Variants in RGL1 observed in about 807,000 individuals in gnomAD.
RGL1 encodes the protein ral guanine nucleotide dissociation stimulator-like 1.
In RGL1, 24 loss-of-function variants were observed where a neutral mutation model predicts 95.2. That is an observed-to-expected ratio of 0.25 (90% confidence interval 0.18 to 0.35). The LOEUF is 0.35. Among genes scored for constraint, RGL1 ranks in the 10% least tolerant of loss-of-function variants. The probability of loss-of-function intolerance (pLI) is 1.00; values close to 1 mark genes in which losing one functional copy is unlikely to be tolerated. For missense variants in RGL1, 715 were observed against 936.3 expected, an observed-to-expected ratio of 0.76 and a Z score of 3.08; for synonymous variants, 329 against 344.9, an observed-to-expected ratio of 0.95 and a Z score of 0.51.
intron 2 of RGL1, among the ~76,000 whole-genome samples, chr1:183,829,158 G>T (rs1357519779): frequency 6.6e-6 from 1 of 152,060 alleles, no homozygotes; most frequent in Non-Finnish European, 1.5e-5. Context: ...TCTGATGAAG[G>T]TGGATCAGCC....
At chr1:183,910,173 T>A (rs1668562820) in intron 14 of RGL1, among the ~76,000 whole-genome samples, 1 of 152,188 alleles carries the variant, frequency 6.6e-6, no homozygotes, top group Non-Finnish European at 1.5e-5. Flanking sequence ...CTTGGCTCAC[T>A]GTAACCTCTG....
intron 1 of RGL1, among the ~76,000 whole-genome samples, chr1:183,731,103 G>C (rs1260051673): frequency 6.6e-6 from 1 of 152,092 alleles, no homozygotes; most frequent in Non-Finnish European, 1.5e-5. Context: ...CAAAATTGGA[G>C]CAATGAACCT....
Position 183,725,585 on chromosome 1 carries a change from G to C in RGL1, c.-32-16541G>C, listed in dbSNP as rs567281220. Among the ~76,000 whole-genome samples, 3 of 152,206 alleles carry C rather than the reference G, an allele frequency of 2.0e-5. No homozygotes were observed. In the South Asian group the frequency reaches 6.2e-4, roughly 32 times the overall value. ...TAAGAACTATTACCAGGGATAAAGA[G>C]GAATATTTCACAATGATGGAGTCAA... On this transcript the variant is annotated intron_variant, in intron 1 of 18. Coordinates refer to the RGL1 transcript ENST00000304685.
intron 2 of RGL1, among the ~76,000 whole-genome samples, chr1:183,751,249 A>G (rs1241565372): frequency 6.6e-6 from 1 of 152,162 alleles, no homozygotes; most frequent in Non-Finnish European, 1.5e-5. Context: ...TTTCTTTCAG[A>G]GATACCCTGC....
intron 2 of RGL1, among the ~76,000 whole-genome samples, chr1:183,753,951 T>C (rs1248733554): frequency 1.2e-5 from 1 of 85,380 alleles, no homozygotes; most frequent in African/African-American, 5.2e-5. Flanking sequence ...TGACAGTGGG[T>C]TCATTTTTTT....
intron 17 of RGL1, among the ~76,000 whole-genome samples, chr1:183,923,808 G>A (rs975392576): frequency 5.9e-5 from 9 of 152,256 alleles, no homozygotes; most frequent in Non-Finnish European, 4.4e-5. Context: ...ATTGTTCTCC[G>A]CTGAGCCTTT....
chr1:183,755,755 T>TG (rs1187574690), intron 2 of RGL1, among the ~76,000 whole-genome samples: 1 of 152,154 alleles, frequency 6.6e-6, no homozygotes, highest in African/African-American at 2.4e-5. Context: ...TGCCATACAG[T>TG]GTGCTGTAAT....
At chr1:183,690,446 T>C (rs1395900613) in intron 1 of RGL1, among the ~76,000 whole-genome samples, 1 of 152,020 alleles carries the variant, frequency 6.6e-6, no homozygotes, top group South Asian at 2.1e-4. Context: ...AAGAATTCGA[T>C]GGGGTAGGGA....
intron 1 of RGL1, among the ~76,000 whole-genome samples, chr1:183,725,158 C>G (rs1046753331): frequency 1.3e-5 from 2 of 152,160 alleles, no homozygotes; most frequent in African/African-American, 4.8e-5. Flanking sequence ...TTACTGAGCT[C>G]GAGGTGTCCC....
intron 1 of RGL1, among the ~76,000 whole-genome samples, chr1:183,650,708 A>ATTT (rs11395856): frequency 4.8e-5 from 7 of 144,634 alleles, no homozygotes; most frequent in African/African-American, 1.3e-4. Context: ...AAAGAATCAG[A>ATTT]TTTTTTTTTT....
intron 4 of RGL1, among the ~76,000 whole-genome samples, chr1:183,874,709 G>A (rs145183874): frequency 5.9e-5 from 9 of 152,182 alleles, no homozygotes; most frequent in African/African-American, 1.2e-4. Flanking sequence ...AAAAAGCAAC[G>A]CAGGACAACC....
intron 1 of RGL1, among the ~76,000 whole-genome samples, chr1:183,672,434 A>G (rs1380361028): frequency 6.6e-6 from 1 of 152,184 alleles, no homozygotes; most frequent in Non-Finnish European, 1.5e-5. Flanking sequence ...TTTGGAACAT[A>G]GATTTGGTAT....
intron 2 of RGL1, among the ~76,000 whole-genome samples, chr1:183,752,693 T>TCTCTCTCC: frequency 6.7e-6 from 1 of 148,518 alleles, no homozygotes; most frequent in Non-Finnish European, 1.5e-5. Context: ...TCTCTCTCTC[T>TCTCTCTCC]CTCTCTCTCT....
At chr1:183,813,847 C>T (rs563162453) in intron 2 of RGL1, among the ~76,000 whole-genome samples, 5 of 152,272 alleles carry the variant, frequency 3.3e-5, no homozygotes, top group African/African-American at 1.2e-4. Flanking sequence ...TAGAATGCTT[C>T]CCTAGTTTAC....
At chr1:183,861,832 A>G (rs1007044336) in intron 3 of RGL1, among the ~76,000 whole-genome samples, 1 of 152,162 alleles carries the variant, frequency 6.6e-6, no homozygotes, top group African/African-American at 2.4e-5. Context: ...ACACTCATAC[A>G]CACACTTTAT....
chr1:183,642,663 A>G (rs977553372), intron 1 of RGL1, among the ~76,000 whole-genome samples: 1 of 152,148 alleles, frequency 6.6e-6, no homozygotes, highest in African/African-American at 2.4e-5. Context: ...TCCTTACCTT[A>G]TCTCTGTATT....
intron 1 of RGL1, among the ~76,000 whole-genome samples, chr1:183,712,069 GC>G (rs1049682729): frequency 2.6e-5 from 4 of 152,302 alleles, no homozygotes; most frequent in Middle Eastern, 6.8e-3. Context: ...AATTTGAAGA[GC>G]CATGGAAATG....
In RGL1 at chr1:183,902,487, T is replaced by C. The variant is rs1668085543; in HGVS notation, c.1318-81T>C. 4.9e-6 allele frequency: 6 copies of C among 1,213,744 alleles called. No homozygotes were observed. In the East Asian group the frequency reaches 1.4e-4, roughly 29 times the overall value. The allele number at this position is 1,213,744 out of a possible 1,614,324, so 75.2% of individuals were successfully genotyped here. On this transcript the variant is annotated intron_variant, in intron 11 of 17. Coordinates refer to ENST00000360851, the MANE Select transcript of RGL1 (RefSeq NM_001297671.3). The stretch of plus-strand genomic sequence containing the variant: ...GTGACTTTATCACCCCTTTGATCTA[T>C]TTTAATGTGACCTACGACAACATAT...
At chr1:183,845,774 A>G (rs1485908995) in intron 2 of RGL1, among the ~76,000 whole-genome samples, 1 of 152,224 alleles carries the variant, frequency 6.6e-6, no homozygotes, top group Non-Finnish European at 1.5e-5. Flanking sequence ...AATATACTCC[A>G]ACCATGGCCA....
Sources: gnomAD v4.1 joint callset for allele counts (sites outside exome capture counted in the v4.1 genomes callset) on GRCh38, gnomAD v4.1.1 for gene constraint, MANE v1.5 for transcripts, NCBI Gene and HGNC (gene_info 2026-07-23, HGNC 2026-07-21) for gene names.